The following LHX4 variants were observed in gnomAD, a reference collection of about 807,000 sequenced individuals.
LHX4 encodes LIM homeobox 4.
LHX4 carries 16 observed loss-of-function variants against 39.2 expected under a neutral mutation model. The ratio of observed to expected loss-of-function variants is 0.41; its 90% CI spans 0.28 to 0.62. LHX4 has a LOEUF of 0.62. Among genes scored for constraint, LHX4 ranks in the 20% least tolerant of loss-of-function variants. The pLI, the probability that LHX4 is intolerant of heterozygous loss-of-function variation, is 0.33. For missense variants in LHX4, 439 were observed against 511.9 expected, an observed-to-expected ratio of 0.86 and a Z score of 1.37; for synonymous variants, 206 against 198.1, an observed-to-expected ratio of 1.04 and a Z score of -0.33.
rs981891052 is a variant in LHX4 at position 180,266,766 on chromosome 1, C to T, written c.451+172C>T. On this transcript the variant is annotated intron_variant, in intron 3 of 5. Coordinates refer to ENST00000263726, the MANE Select transcript of LHX4 (RefSeq NM_033343.4). This position sits in a 1 kb window ranked among gnomAD's most constrained non-coding sequence, Gnocchi z 5.7. ...CTCCACACTGAGAGTAAATGCTGAA[C>T]ACCTCCCCGGCCGTTAGCACTCGCC... 6.6e-6 allele frequency among the ~76,000 whole-genome samples: 1 copy of T among 152,222 alleles called. No homozygotes were observed. The highest frequency in any genetic ancestry group is 1.5e-5 in the Non-Finnish European group (1 of 68,038).
At chr1:180,239,878 C>CT in intron 1 of LHX4, among the ~76,000 whole-genome samples, 1 of 152,330 alleles carries the variant, frequency 6.6e-6, no homozygotes, top group East Asian at 1.9e-4. Context: ...ACAGCCGCCC[C>CT]TGGGAGCACT....
At chr1:180,233,317 C>T (rs1664223688) in intron 1 of LHX4, among the ~76,000 whole-genome samples, 1 of 152,264 alleles carries the variant, frequency 6.6e-6, no homozygotes, top group African/African-American at 2.4e-5. Context: ...CCGTAGCCCT[C>T]CTGGTTTTTT....
chr1:180,264,859 C>G (rs6425618), intron 2 of LHX4, among the ~76,000 whole-genome samples: 65,800 of 152,074 alleles, frequency 0.43, 15,919 homozygotes, highest in East Asian at 0.84. Flanking sequence ...CCCTCACACC[C>G]CAACACCCTT....
At chr1:180,246,282 G>T (rs779613446) in intron 1 of LHX4, among the ~76,000 whole-genome samples, 2 of 152,168 alleles carry the variant, frequency 1.3e-5, no homozygotes, top group Non-Finnish European at 2.9e-5. Context: ...AAGTACAAAC[G>T]TCTTAATAGT....
chr1:180,249,664 A>G (rs769398843), intron 2 of LHX4, among the ~76,000 whole-genome samples: 33 of 152,154 alleles, frequency 2.2e-4, no homozygotes, highest in Non-Finnish European at 4.0e-4. Context: ...ACAGAATACG[A>G]TTTCTCCCAC....
rs1489766386 is a variant in LHX4, at chr1:180,234,174, T to TAC, written c.76+3570_76+3571insCA. On this transcript the variant is annotated intron_variant, in intron 1 of 5. Transcript: ENST00000263726. The surrounding 1 kb of genome is among the most constrained non-coding windows in gnomAD (Gnocchi z 4.8). ...ACACACACAACACACACAAATTATATATATATATATATATATATATATATA... is the reference window on the plus strand; with the variant it reads ...ACACACACAACACACACAAATTATATACATATATATATATATATATATATATA... Among the ~76,000 whole-genome samples the TAC allele has an allele frequency of 1.4e-3, 15 of 10,864 alleles. No homozygotes were observed. The highest frequency in any genetic ancestry group is 2.4e-3 in the Non-Finnish European group (13 of 5,502). 7.1% of individuals were successfully genotyped at this position (10,864 alleles called of 152,430 possible). A position where few individuals can be genotyped will look rare whatever the true frequency, so the allele number is the denominator to read the frequency against.
chr1:180,229,401 G>A (rs532269805), upstream of LHX4, among the ~76,000 whole-genome samples: 5 of 152,228 alleles, frequency 3.3e-5, no homozygotes, highest in South Asian at 2.1e-4. Flanking sequence ...TCCGGCTGCA[G>A]GCCGCGGTCT....
Position 180,230,686 on chromosome 1 carries a change from C to T in LHX4, c.76+81C>T. The stretch of plus-strand genomic sequence containing the variant: ...AGCCGCTGCGGGGCGGGCCGGACGC[C>T]GCTCAGGGGCCGGGAGGGGCTGGCG... On this transcript the variant is annotated intron_variant, in intron 1 of 5. Coordinates refer to ENST00000263726, the MANE Select transcript of LHX4 (RefSeq NM_033343.4). This position sits in a 1 kb window ranked among gnomAD's most constrained non-coding sequence, Gnocchi z 5.8. The T allele has an allele frequency of 1.5e-6, 2 of 1,367,352 alleles. No homozygotes were observed. Among genetic ancestry groups the T allele is most frequent in the Non-Finnish European group, 2.1e-6 (2 of 967,532 alleles). 84.7% of individuals were successfully genotyped at this position (1,367,352 alleles called of 1,614,324 possible). A position where few individuals can be genotyped will look rare whatever the true frequency, so the allele number is the denominator to read the frequency against.
chr1:180,259,420 T>A lies in LHX4; in HGVS notation c.249-6972T>A, dbSNP rs139690152. Among the ~76,000 whole-genome samples, 659 of 151,832 alleles carry A rather than the reference T, an allele frequency of 4.3e-3. 25 individuals carry two copies. Among genetic ancestry groups the A allele is most frequent in the African/African-American group, 0.015 (613 of 41,184 alleles). ...GGGAGTCTCATTACGTGAGAAGGAATGAGCTGTGTCTGGTGGAGGTGCATG... is the reference window on the plus strand; with the variant it reads ...GGGAGTCTCATTACGTGAGAAGGAAAGAGCTGTGTCTGGTGGAGGTGCATG... On this transcript the variant is annotated intron_variant, in intron 2 of 5. Coordinates refer to ENST00000263726, the MANE Select transcript of LHX4 (RefSeq NM_033343.4).
At chr1:180,251,370 T>G (rs1647621768) in intron 2 of LHX4, among the ~76,000 whole-genome samples, 1 of 152,146 alleles carries the variant, frequency 6.6e-6, no homozygotes, top group Non-Finnish European at 1.5e-5. Context: ...CTTCCATCCT[T>G]CCAGGGTCCT....
At chr1:180,229,969 G>GGGGGT (rs1664131736), upstream of LHX4, among the ~76,000 whole-genome samples, 1 of 145,124 alleles carries the variant, frequency 6.9e-6, no homozygotes, top group African/African-American at 2.6e-5. Flanking sequence ...CGGGGAGGGG[G>GGGGGT]GGGGGGTGCC....
At chr1:180,241,233 A>G (rs1030272528) in intron 1 of LHX4, among the ~76,000 whole-genome samples, 3 of 152,214 alleles carry the variant, frequency 2.0e-5, no homozygotes, top group African/African-American at 7.2e-5. Flanking sequence ...TATTCCAGAA[A>G]GACTGAGCCC....
chr1:180,257,081 G>C (rs894175511), intron 2 of LHX4, among the ~76,000 whole-genome samples: 3 of 152,206 alleles, frequency 2.0e-5, no homozygotes, highest in African/African-American at 7.2e-5. Flanking sequence ...TGCACGTCCC[G>C]TTGCCTCTTC....
upstream of LHX4, chr1:180,230,211 G>GGGTGGA: frequency 2.2e-5 from 10 of 447,276 alleles, no homozygotes; most frequent in South Asian, 2.3e-4. This position sits in a 1 kb window ranked among gnomAD's most constrained non-coding sequence, Gnocchi z 5.8. Context: ...GGCACGCGAA[G>GGGTGGA]GGTGGAGGGG....
intron 3 of LHX4, among the ~76,000 whole-genome samples, chr1:180,268,691 G>C (rs1284285875): frequency 6.6e-6 from 1 of 152,208 alleles, no homozygotes; most frequent in Non-Finnish European, 1.5e-5. Flanking sequence ...TGCAAACAGG[G>C]AGGTGAGGTG....
At chr1:180,264,376 AT>A (rs1219349756) in intron 2 of LHX4, among the ~76,000 whole-genome samples, 4 of 79,256 alleles carry the variant, frequency 5.0e-5, no homozygotes, top group Non-Finnish European at 9.3e-5. Context: ...ACACACACAC[AT>A]AACACACACA....
intron 3 of LHX4, chr1:180,269,832 T>G (rs549549584): frequency 6.6e-6 from 1 of 152,338 alleles, no homozygotes; most frequent in South Asian, 2.1e-4. Context: ...CCTTTGTCTT[T>G]TGGAATGACT....
At chr1:180,253,771 G>A (rs772083183) in intron 2 of LHX4, among the ~76,000 whole-genome samples, 4 of 152,162 alleles carry the variant, frequency 2.6e-5, no homozygotes, top group African/African-American at 7.2e-5. Flanking sequence ...CCCTTGACCC[G>A]CAGCCCTGCA....
At chr1:180,271,696 G>A in intron 4 of LHX4, 139 bp from the exon 5 acceptor site, 1 of 1,280,816 alleles carries the variant, frequency 7.8e-7, no homozygotes, top group Non-Finnish European at 1.1e-6. Flanking sequence ...CTGGGGAGAG[G>A]GGGTGGGGCG....
Sources: allele counts gnomAD v4.1 joint callset (sites outside exome capture counted in the v4.1 genomes callset), GRCh38; gene constraint gnomAD v4.1.1; non-coding constraint Gnocchi (gnomAD v3.1); transcripts MANE v1.5; gene names NCBI Gene and HGNC (gene_info 2026-07-23, HGNC 2026-07-21).